The following SLC6A16 variants were observed in gnomAD, a reference collection of about 807,000 sequenced individuals.
SLC6A16 encodes the protein orphan sodium- and chloride-dependent neurotransmitter transporter NTT5.
Under a neutral mutation model 65.4 loss-of-function variants are expected in SLC6A16, and 54 were observed. The observed-to-expected ratio is 0.83, with a 90% CI of 0.66 to 1.04. The LOEUF (loss-of-function observed/expected upper bound fraction) is 1.04, where lower values mean the gene tolerates loss of function less well. Ranked by LOEUF, SLC6A16 falls within the 50% of genes least tolerant of loss-of-function variation. SLC6A16 has a pLI of 0.00. For missense variants in SLC6A16, 816 were observed against 914.0 expected (o/e 0.89, Z 1.38); for synonymous variants, 330 against 346.5 (o/e 0.95, Z 0.53).
In SLC6A16 at chr19:49,298,971, G is replaced by A. The variant is rs138831265; in HGVS notation, c.1230-4418C>T. Among the ~76,000 whole-genome samples the A allele has an allele frequency of 4.3e-3, 656 of 152,330 alleles. 5 individuals are homozygous for A. Among genetic ancestry groups the A allele is most frequent in the African/African-American group, 0.015 (623 of 41,570 alleles). On this transcript the variant is annotated intron_variant, in intron 7 of 11. Transcript: ENST00000335875. ...AACATAGGAATAGAAAACCTGCCGG[G>A]TGTGGTGGCTCACACCTGTAATCCC...
At chr19:49,295,273 G>C (rs891632905) in intron 7 of SLC6A16, among the ~76,000 whole-genome samples, 1 of 151,904 alleles carries the variant, frequency 6.6e-6, no homozygotes, top group Non-Finnish European at 1.5e-5. Context: ...CCAGCTATTC[G>C]GGAGGCTGAG....
chr19:49,334,314 A>AT, the SLC6A16 span, among the ~76,000 whole-genome samples: 4 of 151,646 alleles, frequency 2.6e-5, no homozygotes, highest in Non-Finnish European at 5.9e-5. Flanking sequence ...TGAGACTCCC[A>AT]TCTCTACAAA....
Position 49,290,164 on chromosome 19 carries a change from C to T in SLC6A16, c.2170G>A (p.Asp724Asn). ...EVQKEEILQV[D>N]ETKYPSTCNV... is the part of the protein sequence containing the mutation. ...CAAGTTGATGGGTACTTTGTTTCAT[C>T]AACTTGTAGAATTTCTTCCTTTTGA... Residue 724 changes from aspartate to asparagine, a missense_variant, in exon 12 of 12, where the codon GAT becomes AAT. Asp to Asn is a conservative substitution (Grantham distance 23). Coordinates refer to ENST00000335875, the MANE Select transcript of SLC6A16 (RefSeq NM_014037.3). 1 of 1,614,096 alleles carries T rather than the reference C, an allele frequency of 6.2e-7. No individual in the cohort carries two copies.
Position 49,290,057 on chromosome 19 carries a change from T to C in SLC6A16, c.*66A>G. ...TCCAGGGAGATCAACAGTTGCAAGC[T>C]GATATTAAGAGTTGTCTATTGGATC... On this transcript the variant is annotated 3_prime_UTR_variant, in exon 12 of 12. Transcript: ENST00000335875. 6.7e-7 allele frequency: 1 copy of C among 1,487,060 alleles called. No individual in the cohort carries two copies. The highest frequency in any genetic ancestry group is 9.2e-7 in the Non-Finnish European group (1 of 1,091,568). The allele number at this position is 1,487,060 out of a possible 1,614,324, so 92.1% of individuals were successfully genotyped here.
upstream of SLC6A16, among the ~76,000 whole-genome samples, chr19:49,326,628 C>A (rs970364418): frequency 7.2e-5 from 11 of 152,142 alleles, no homozygotes; most frequent in Non-Finnish European, 5.9e-5. Context: ...GTGTAGAGAA[C>A]AAAACAGACC....
At position 49,292,750 on chromosome 19, in the gene SLC6A16, C is replaced by A. The variant is rs1326751420; in HGVS notation, c.1778+473G>T. ...CTGCAGGGAGCACTTTACTCAAAAT[C>A]TTGTCATGACTCCCTCCCTCCTATC... On this transcript the variant is annotated intron_variant, in intron 10 of 11. Coordinates refer to ENST00000335875, the MANE Select transcript of SLC6A16 (RefSeq NM_014037.3). The surrounding 1 kb of genome is among the most constrained non-coding windows in gnomAD (Gnocchi z 4.3). Among the ~76,000 whole-genome samples the A allele has an allele frequency of 6.6e-6, 1 of 152,154 alleles. No homozygotes were observed. The highest frequency in any genetic ancestry group is 1.5e-5 in the Non-Finnish European group (1 of 68,014).
chr19:49,334,537 G>C, the SLC6A16 span, among the ~76,000 whole-genome samples: 1 of 151,536 alleles, frequency 6.6e-6, no homozygotes, highest in African/African-American at 2.4e-5. Context: ...GAAGGGGCCA[G>C]AAGCAGAGAG....
At chr19:49,324,943 C>A in intron 1 of SLC6A16, 105 bp downstream of exon 1, 1 of 676,502 alleles carries the variant, frequency 1.5e-6, no homozygotes, top group Non-Finnish European at 1.8e-6. Flanking sequence ...AGTCACCTGT[C>A]ACCCGTCAGT....
chr19:49,306,663 C>T (rs1970394399), intron 7 of SLC6A16, among the ~76,000 whole-genome samples: 1 of 151,712 alleles, frequency 6.6e-6, no homozygotes, highest in Non-Finnish European at 1.5e-5. Context: ...CTGCTTTGGC[C>T]TCCTGAGTAG....
At chr19:49,335,804 A>G in the SLC6A16 span, 2 of 884,504 alleles carry the variant, frequency 2.3e-6, no homozygotes, top group South Asian at 1.3e-5. The surrounding 1 kb of genome is among the most constrained non-coding windows in gnomAD (Gnocchi z 4.6). Flanking sequence ...GGGCTGGGGC[A>G]GGTGGGAGGG....
At chr19:49,323,277 C>T (rs530686610) in intron 1 of SLC6A16, among the ~76,000 whole-genome samples, 7 of 152,046 alleles carry the variant, frequency 4.6e-5, no homozygotes, top group South Asian at 4.1e-4. Flanking sequence ...ATAAAACATA[C>T]GACAAAAGCT....
intron 7 of SLC6A16, among the ~76,000 whole-genome samples, chr19:49,300,231 G>A (rs573570962): frequency 6.6e-6 from 1 of 152,024 alleles, no homozygotes; most frequent in Admixed American, 6.6e-5. Flanking sequence ...CCAGCTACTC[G>A]AGAGGCTGAG....
upstream of SLC6A16, among the ~76,000 whole-genome samples, chr19:49,328,577 C>A (rs1970820127): frequency 6.6e-6 from 1 of 152,132 alleles, no homozygotes; most frequent in Non-Finnish European, 1.5e-5. Flanking sequence ...GAAAAGTGGT[C>A]AAATTCTGGA....
chr19:49,329,370 C>T (rs899863800), upstream of SLC6A16, among the ~76,000 whole-genome samples: 1 of 152,058 alleles, frequency 6.6e-6, no homozygotes, highest in African/African-American at 2.4e-5. Flanking sequence ...TACAGTGAGC[C>T]ACCGCTCCTG....
intron 1 of SLC6A16, among the ~76,000 whole-genome samples, chr19:49,319,699 A>G (rs1970678252): frequency 6.6e-6 from 1 of 152,056 alleles, no homozygotes; most frequent in Non-Finnish European, 1.5e-5. Flanking sequence ...ACTTAACACA[A>G]TAAACCAACC....
chr19:49,309,599 G>A (rs1214851667), intron 5 of SLC6A16, 52 bp downstream of exon 5: 2 of 1,535,300 alleles, frequency 1.3e-6, no homozygotes, highest in East Asian at 2.3e-5. Flanking sequence ...ACAAATTGAG[G>A]TAAGGGCTAA....
At chr19:49,302,683 A>G (rs1163042125) in intron 7 of SLC6A16, among the ~76,000 whole-genome samples, 3 of 152,262 alleles carry the variant, frequency 2.0e-5, no homozygotes, top group Non-Finnish European at 4.4e-5. Flanking sequence ...ATTCACAATA[A>G]TGGTTCTAAA....
At chr19:49,313,427 G>A (rs1035668462) in intron 1 of SLC6A16, among the ~76,000 whole-genome samples, 4 of 152,132 alleles carry the variant, frequency 2.6e-5, no homozygotes, top group Non-Finnish European at 5.9e-5. Context: ...AGCCTCCAGA[G>A]TAGGTGGCAT....
chr19:49,338,763 G>A, the SLC6A16 span: 1 of 1,613,624 alleles, frequency 6.2e-7, no homozygotes, highest in Non-Finnish European at 8.5e-7. This position sits in a 1 kb window ranked among gnomAD's most constrained non-coding sequence, Gnocchi z 5.0. Context: ...GAGAGGTAAC[G>A]GGTCGGAGGC....
Sources: gnomAD v4.1 joint callset for allele counts (sites outside exome capture counted in the v4.1 genomes callset) on GRCh38, gnomAD v4.1.1 for gene constraint, Gnocchi (gnomAD v3.1) non-coding constraint, MANE v1.5 for transcripts, NCBI Gene and HGNC (gene_info 2026-07-23, HGNC 2026-07-21) for gene names.